TTC27: variants seen among roughly 807,000 people sequenced by gnomAD.
TTC27 encodes tetratricopeptide repeat domain 27.
In TTC27, 79 loss-of-function variants were observed where a neutral mutation model predicts 115.9. That is an observed-to-expected ratio of 0.68 (90% CI 0.57 to 0.82). The LOEUF is 0.82. Ranked by LOEUF, TTC27 falls within the 40% of genes least tolerant of loss-of-function variation. The probability of loss-of-function intolerance (pLI) is 0.00; values close to 1 mark genes in which losing one functional copy is unlikely to be tolerated. For missense variants in TTC27, 1,054 were observed against 993.1 expected, an observed-to-expected ratio of 1.06 and a Z score of -0.82; for synonymous variants, 401 against 356.0, an observed-to-expected ratio of 1.13 and a Z score of -1.42.
At chr2:32,729,620 A>G (rs748884680) in intron 10 of TTC27, among the ~76,000 whole-genome samples, 54 of 152,152 alleles carry the variant, frequency 3.5e-4, no homozygotes, top group Non-Finnish European at 5.9e-4. Context: ...ACAGTCTCAT[A>G]TCACAGTAGT....
At chr2:32,810,953 T>C in intron 16 of TTC27, 71 bp from the exon 17 acceptor site, 1 of 1,494,284 alleles carries the variant, frequency 6.7e-7, no homozygotes, top group Non-Finnish European at 9.3e-7. Flanking sequence ...TTGATGATGG[T>C]GAGATAGCTC....
intron 1 of TTC27, 142 bp from the exon 2 acceptor site, chr2:32,630,381 C>T (rs1300280129): frequency 1.8e-6 from 1 of 564,266 alleles, no homozygotes; most frequent in Admixed American, 3.4e-5. Context: ...TACTGAGTGC[C>T]TTGTGACTGA....
Position 32,803,921 on chromosome 2 carries a change from C to T in TTC27, c.1999-7103C>T, listed in dbSNP as rs549677253. ...ACTCGGGAGGCTGAGGCATGAGAAT[C>T]GCTTGAACTCTGGCATTGGAGGTTG... On this transcript the variant is annotated intron_variant, in intron 16 of 19. Transcript: ENST00000317907. Among the ~76,000 whole-genome samples, 87 of 151,510 alleles carry T rather than the reference C, an allele frequency of 5.7e-4. 1 individual carries two copies. The highest frequency in any genetic ancestry group is 5.3e-3 in the Admixed American group (81 of 15,188).
chr2:32,802,428 C>T (rs1670981639), intron 16 of TTC27, among the ~76,000 whole-genome samples: 1 of 151,966 alleles, frequency 6.6e-6, no homozygotes, highest in South Asian at 2.1e-4. Context: ...TATTATCACC[C>T]CCATTTCTCT....
At chr2:32,678,952 A>C (rs766203791) in intron 9 of TTC27, 30 bp downstream of exon 9, 2 of 1,591,066 alleles carry the variant, frequency 1.3e-6, no homozygotes, top group East Asian at 4.5e-5. Context: ...CTTCCATTTC[A>C]TTTTTTTCCT....
At chr2:32,705,642 C>T (rs1667343151) in intron 10 of TTC27, among the ~76,000 whole-genome samples, 1 of 152,176 alleles carries the variant, frequency 6.6e-6, no homozygotes, top group South Asian at 2.1e-4. Context: ...CCTTTGCCTC[C>T]TGTGCTCCAG....
At chr2:32,664,592 A>G in intron 6 of TTC27, 125 bp downstream of exon 6, 1 of 801,786 alleles carries the variant, frequency 1.2e-6, no homozygotes, top group Non-Finnish European at 1.9e-6. Flanking sequence ...AGTAGACTTT[A>G]AAGGTTTTAT....
intron 10 of TTC27, among the ~76,000 whole-genome samples, chr2:32,706,369 C>T (rs1572533634): frequency 6.6e-6 from 1 of 152,146 alleles, no homozygotes; most frequent in East Asian, 1.9e-4. Flanking sequence ...AGGCATGAGT[C>T]ACTGCGCCTG....
rs555471528 is a variant in TTC27 at position 32,679,104 on chromosome 2, A to G, written c.1119+182A>G. Among the ~76,000 whole-genome samples the G allele has an allele frequency of 2.1e-4, 32 of 152,270 alleles. No homozygotes were observed. The South Asian group carries it at 6.0e-3, about 29-fold the overall frequency. On this transcript the variant is annotated intron_variant, in intron 9 of 19. Transcript: ENST00000317907. ...CTTGCTGCTGATTTAAGAGTCTGCA[A>G]CTCTTAAATTGAGTGCTATGCCTAC... is the stretch of plus-strand genomic sequence containing the variant.
intron 13 of TTC27, among the ~76,000 whole-genome samples, chr2:32,777,321 C>A (rs1188652462): frequency 6.6e-6 from 1 of 152,226 alleles, no homozygotes. Context: ...TGCTTCCAGG[C>A]GTCACCGCCC....
chr2:32,720,747 G>A (rs1025271300), intron 10 of TTC27, among the ~76,000 whole-genome samples: 48 of 152,090 alleles, frequency 3.2e-4, no homozygotes, highest in African/African-American at 1.1e-3. Context: ...TTAATTTACC[G>A]GAAATATGTT....
At chr2:32,755,129 C>T (rs959635803) in intron 12 of TTC27, among the ~76,000 whole-genome samples, 1 of 152,012 alleles carries the variant, frequency 6.6e-6, no homozygotes, top group Non-Finnish European at 1.5e-5. Context: ...ATGCTCCTCA[C>T]TTTCCAGACT....
chr2:32,696,837 T>C (rs1277308970), intron 9 of TTC27, among the ~76,000 whole-genome samples: 1 of 152,194 alleles, frequency 6.6e-6, no homozygotes, highest in South Asian at 2.1e-4. Flanking sequence ...CTACAGAATA[T>C]AGAGCAGTCA....
chr2:32,681,649 CTT>C (rs5830239), intron 9 of TTC27, among the ~76,000 whole-genome samples: 2 of 140,678 alleles, frequency 1.4e-5, no homozygotes, highest in African/African-American at 2.6e-5. Context: ...AGATATTCAG[CTT>C]TTTTTTTTTT....
At position 32,761,998 on chromosome 2, in the gene TTC27, C is replaced by G. The variant is rs1317884308; in HGVS notation, c.1680+3479C>G. ...GAATGAAGACATAGCAGCAGGTCAG[C>G]AGATAGTCCCATTTGCACCATGGCA... On this transcript the variant is annotated intron_variant, in intron 13 of 19. Coordinates refer to ENST00000317907, the MANE Select transcript of TTC27 (RefSeq NM_017735.5). 2.0e-5 allele frequency among the ~76,000 whole-genome samples: 3 copies of G among 152,180 alleles called. No individual in the cohort carries two copies. The East Asian group carries it at 5.8e-4, about 29-fold the overall frequency.
At chr2:32,660,347 C>A (rs184302824) in intron 5 of TTC27, among the ~76,000 whole-genome samples, 8 of 151,966 alleles carry the variant, frequency 5.3e-5, no homozygotes, top group Non-Finnish European at 1.2e-4. Context: ...TCTTTCAACC[C>A]AAATGCCCAT....
At chr2:32,769,804 G>A (rs553243477) in intron 13 of TTC27, among the ~76,000 whole-genome samples, 1 of 152,162 alleles carries the variant, frequency 6.6e-6, no homozygotes, top group Non-Finnish European at 1.5e-5. Flanking sequence ...AACCATTGAG[G>A]TATTGAGGGG....
At chr2:32,744,931 C>T (rs1163454419) in intron 12 of TTC27, among the ~76,000 whole-genome samples, 1 of 151,486 alleles carries the variant, frequency 6.6e-6, no homozygotes. Context: ...ACCTGTAATC[C>T]CAGCTACTCA....
intron 16 of TTC27, among the ~76,000 whole-genome samples, chr2:32,801,163 A>G (rs554669796): frequency 6.6e-6 from 1 of 152,182 alleles, no homozygotes; most frequent in Non-Finnish European, 1.5e-5. Flanking sequence ...TCAGTGTTTT[A>G]ACTGTCTTAG....
Sources: allele counts gnomAD v4.1 joint callset (sites outside exome capture counted in the v4.1 genomes callset), GRCh38; gene constraint gnomAD v4.1.1; transcripts MANE v1.5; gene names NCBI Gene and HGNC (gene_info 2026-07-23, HGNC 2026-07-21).